TTC6: variants seen among roughly 807,000 people sequenced by gnomAD.
The protein encoded by TTC6 is tetratricopeptide repeat domain 6.
Under a neutral mutation model 210.4 loss-of-function variants are expected in TTC6, and 172 were observed. The observed-to-expected ratio is 0.82, with a 90% CI of 0.72 to 0.93. TTC6 has a LOEUF of 0.93. TTC6 is among the 40% of genes least tolerant of loss of function. The probability of loss-of-function intolerance (pLI) is 0.00; values close to 1 mark genes in which losing one functional copy is unlikely to be tolerated. For missense variants in TTC6, 2,414 were observed against 2,318.1 expected, an observed-to-expected ratio of 1.04 and a Z score of -0.85; for synonymous variants, 804 against 819.6, an observed-to-expected ratio of 0.98 and a Z score of 0.32.
upstream of TTC6, chr14:37,622,010 C>T (rs998690917): frequency 8.7e-6 from 11 of 1,267,990 alleles, no homozygotes; most frequent in African/African-American, 1.7e-4. Context: ...TGTATATACG[C>T]ACACAACATA....
intron 14 of TTC6, among the ~76,000 whole-genome samples, chr14:37,770,673 CT>C (rs2139177157): frequency 6.6e-6 from 1 of 151,580 alleles, no homozygotes; most frequent in South Asian, 2.1e-4. Flanking sequence ...TTCCTCCATC[CT>C]TTTATTTTGA....
chr14:37,814,718 A>G (rs2096137523), intron 25 of TTC6, among the ~76,000 whole-genome samples: 2 of 152,204 alleles, frequency 1.3e-5, no homozygotes, highest in African/African-American at 2.4e-5. Context: ...ACAAATTGAA[A>G]GCAAAAAATT....
At chr14:37,765,325 ATT>A (rs967504305) in intron 14 of TTC6, among the ~76,000 whole-genome samples, 16 of 132,914 alleles carry the variant, frequency 1.2e-4, no homozygotes, top group Non-Finnish European at 1.5e-4. Context: ...ACCACACCTA[ATT>A]TTTTTTTTTT....
chr14:37,722,523 T>A (rs2095863894), intron 6 of TTC6, among the ~76,000 whole-genome samples: 1 of 152,096 alleles, frequency 6.6e-6, no homozygotes, highest in Non-Finnish European at 1.5e-5. Flanking sequence ...AATTTTTAAA[T>A]TTTTTTGTAG....
At position 37,669,171 on chromosome 14, in the gene TTC6, G is replaced by A. The variant is rs565145358; in HGVS notation, c.940-10980G>A. Among the ~76,000 whole-genome samples the A allele has an allele frequency of 2.6e-5, 4 of 152,322 alleles. No homozygotes were observed. The East Asian group carries it at 7.7e-4, about 29-fold the overall frequency. ...ACACCTTCATATAAATGAAATTAAT[G>A]GAGTGATTTCCTTTTTGAATTAGAA... On this transcript the variant is annotated intron_variant, in intron 1 of 30. Transcript: ENST00000553443.
At chr14:37,702,066 G>A (rs772368853) in intron 5 of TTC6, among the ~76,000 whole-genome samples, 4 of 152,108 alleles carry the variant, frequency 2.6e-5, no homozygotes, top group Non-Finnish European at 5.9e-5. Context: ...TCAAAAGAAA[G>A]GAGAAAAGGG....
At chr14:37,790,272 T>C (rs556562779) in intron 15 of TTC6, among the ~76,000 whole-genome samples, 7 of 152,228 alleles carry the variant, frequency 4.6e-5, no homozygotes, top group African/African-American at 1.7e-4. Context: ...GGACTAGTAC[T>C]CAAGCCTGTT....
At chr14:37,743,747 A>T (rs1334229805) in intron 10 of TTC6, among the ~76,000 whole-genome samples, 3 of 152,100 alleles carry the variant, frequency 2.0e-5, no homozygotes, top group African/African-American at 7.2e-5. Context: ...CCCTCATTCA[A>T]CTCTGTTATC....
intron 10 of TTC6, among the ~76,000 whole-genome samples, chr14:37,746,024 TC>T (rs1258080681): frequency 6.6e-6 from 1 of 152,188 alleles, no homozygotes; most frequent in African/African-American, 2.4e-5. Flanking sequence ...ATTTATCTCA[TC>T]TCTAAGCACC....
At position 37,791,835 on chromosome 14, in the gene TTC6, A is replaced by G. The variant is rs142052504; in HGVS notation, c.3558-429A>G. Reference sequence around the variant, plus strand: ...TTTGATACAGAAAAGCTGTGTTAATATGTACGTGGAGAGGATTTTAACCCC... The same window carrying G: ...TTTGATACAGAAAAGCTGTGTTAATGTGTACGTGGAGAGGATTTTAACCCC... On this transcript the variant is annotated intron_variant, in intron 16 of 30. Coordinates refer to ENST00000553443, the Ensembl canonical transcript of TTC6. 3.1e-4 allele frequency among the ~76,000 whole-genome samples: 47 copies of G among 152,298 alleles called. No homozygotes were observed. In the East Asian group the frequency reaches 8.5e-3, roughly 28 times the overall value.
Position 37,751,037 on chromosome 14 carries a change from T to C in TTC6, c.2957-16T>C, listed in dbSNP as rs1206611586. The C allele has an allele frequency of 1.3e-6, 2 of 1,495,348 alleles. No individual in the cohort carries two copies. The highest frequency in any genetic ancestry group is 1.3e-5 in the South Asian group (1 of 77,764). The allele number at this position is 1,495,348 out of a possible 1,614,324, so 92.6% of individuals were successfully genotyped here. On this transcript the variant is annotated splice_polypyrimidine_tract_variant and intron_variant, in intron 12 of 30. Coordinates refer to ENST00000553443, the Ensembl canonical transcript of TTC6. ...AGGATTATAACTCCAAATTTTATCT[T>C]TTTAATTTTCTTTAGAGGCATATTT...
At chr14:37,602,727 C>T (rs2095618105) in intron 1 of TTC6, among the ~76,000 whole-genome samples, 2 of 152,186 alleles carry the variant, frequency 1.3e-5, no homozygotes, top group African/African-American at 4.8e-5. Context: ...CTGCACCTTA[C>T]CCCTGCCCCA....
intron 1 of TTC6, among the ~76,000 whole-genome samples, chr14:37,678,803 G>A (rs1304456583): frequency 1.3e-5 from 2 of 152,144 alleles, no homozygotes; most frequent in Non-Finnish European, 2.9e-5. Context: ...GAAGCCAATG[G>A]CCTGAATTAG....
At chr14:37,619,109 C>T (rs1350803543), upstream of TTC6, among the ~76,000 whole-genome samples, 1 of 152,132 alleles carries the variant, frequency 6.6e-6, no homozygotes, top group Non-Finnish European at 1.5e-5. Flanking sequence ...GGGAAACTTG[C>T]TTAAGGGCTT....
chr14:37,617,337 G>A (rs949838709), upstream of TTC6, among the ~76,000 whole-genome samples: 3 of 152,074 alleles, frequency 2.0e-5, no homozygotes, highest in East Asian at 5.8e-4. Context: ...TATTCACAAG[G>A]GATATAGGCA....
Position 37,805,416 on chromosome 14 carries a change from GACACACACACACAC to G in TTC6, c.4164+626_4164+639del, listed in dbSNP as rs60931072. On this transcript the variant is annotated intron_variant, in intron 21 of 30. Coordinates refer to ENST00000553443, the Ensembl canonical transcript of TTC6. ...TGGATATTCTACAACTCTATCTCAA[GACACACACACACAC>G]ACACACACACACACACACACACAAA... 1.8e-4 allele frequency among the ~76,000 whole-genome samples: 26 copies of G among 146,516 alleles called. No individual in the cohort carries two copies. The East Asian group carries it at 3.7e-3, about 21-fold the overall frequency.
chr14:37,640,192 T>C (rs1249269196), intron 1 of TTC6, among the ~76,000 whole-genome samples: 2 of 152,060 alleles, frequency 1.3e-5, no homozygotes, highest in Non-Finnish European at 2.9e-5. Flanking sequence ...TAATTTATTA[T>C]AGAATGCATG....
Position 37,717,179 on chromosome 14 carries a change from G to A in TTC6, c.1713+2383G>A, listed in dbSNP as rs1472221215. Among the ~76,000 whole-genome samples the A allele has an allele frequency of 2.0e-5, 3 of 149,200 alleles. No individual in the cohort carries two copies. In the East Asian group the frequency reaches 5.9e-4, roughly 29 times the overall value. ...CACCTAAGAACCCCCCAAAAAAAGA[G>A]CAAAATGAACCCAAAACAAGCAGAA... is the stretch of plus-strand genomic sequence containing the variant. On this transcript the variant is annotated intron_variant, in intron 6 of 30. Coordinates refer to ENST00000553443, the Ensembl canonical transcript of TTC6.
chr14:37,840,103 A>G (rs530118067), intron 29 of TTC6, among the ~76,000 whole-genome samples: 1 of 152,210 alleles, frequency 6.6e-6, no homozygotes, highest in East Asian at 1.9e-4. Context: ...CCAGACTAAT[A>G]AACAAGAAAA....
Sources: allele counts gnomAD v4.1 joint callset (sites outside exome capture counted in the v4.1 genomes callset), GRCh38; gene constraint gnomAD v4.1.1; transcripts MANE v1.5; gene names NCBI Gene and HGNC (gene_info 2026-07-23, HGNC 2026-07-21).